UMAD1: variants seen among roughly 807,000 people sequenced by gnomAD.
UMAD1 encodes the protein UBAP1-MVB12-associated (UMA)-domain containing protein 1.
A neutral mutation model predicts 6.1 loss-of-function variants in UMAD1; 8 were observed. The ratio of observed to expected loss-of-function variants is 1.30; its 90% CI spans 0.76 to 2.35. UMAD1 has a LOEUF of 2.35. Ranked by LOEUF, UMAD1 falls within the 30% of genes most tolerant of loss-of-function variation. UMAD1 has a pLI of 0.00. For synonymous variants in UMAD1, 56 were observed against 31.4 expected, an observed-to-expected ratio of 1.78 and a Z score of -2.61; for missense variants, 130 against 78.4, an observed-to-expected ratio of 1.66 and a Z score of -2.49.
At chr7:7,786,417 G>C (rs1782461379) in intron 2 of UMAD1, among the ~76,000 whole-genome samples, 1 of 152,142 alleles carries the variant, frequency 6.6e-6, no homozygotes, top group South Asian at 2.1e-4. Flanking sequence ...TTTCATTGCA[G>C]TCTATCAGGT....
chr7:7,813,211 T>TTTGTTG (rs35818965), intron 3 of UMAD1, among the ~76,000 whole-genome samples: 18 of 151,940 alleles, frequency 1.2e-4, no homozygotes, highest in Non-Finnish European at 2.2e-4. Context: ...GCCAGGTTTC[T>TTTGTTG]TTGTTGTTGT....
intron 2 of UMAD1, chr7:7,689,583 A>T (rs1780124566): frequency 6.6e-6 from 1 of 152,132 alleles, no homozygotes; most frequent in East Asian, 1.9e-4. Flanking sequence ...TCCCTGGATA[A>T]TCTTTTCTTG....
intron 1 of UMAD1, 125 bp from the exon 2 acceptor site, chr7:7,673,184 T>C (rs1417214695): frequency 1.4e-6 from 1 of 718,112 alleles, no homozygotes; most frequent in African/African-American, 1.7e-5. Context: ...CTCATGGTTT[T>C]ACATGTGGCC....
chr7:7,816,977 A>G (rs1263972634), intron 3 of UMAD1, among the ~76,000 whole-genome samples: 1 of 152,198 alleles, frequency 6.6e-6, no homozygotes, highest in Non-Finnish European at 1.5e-5. Flanking sequence ...AAAATCCAGT[A>G]ATTTGTGTCT....
At position 7,877,650 on chromosome 7, in the gene UMAD1, A is replaced by G; in HGVS notation, c.*112A>G. ...TTTAAGGTCCTCAGCAAGGATCATA[A>G]AGCAAAGAAAATAGCATTATGTTCA... is the stretch of plus-strand genomic sequence containing the variant. On this transcript the variant is annotated 3_prime_UTR_variant, in exon 4 of 4. Transcript: ENST00000682710. 1 of 619,562 alleles carries G rather than the reference A, an allele frequency of 1.6e-6. No homozygotes were observed. Among genetic ancestry groups the G allele is most frequent in the South Asian group, 1.9e-5 (1 of 52,606 alleles). The allele number at this position is 619,562 out of a possible 1,614,324, so 38.4% of individuals were successfully genotyped here. A position where few individuals can be genotyped will look rare whatever the true frequency, so the allele number is the denominator to read the frequency against.
At chr7:7,666,518 T>C (rs1244956032) in intron 1 of UMAD1, among the ~76,000 whole-genome samples, 7 of 152,088 alleles carry the variant, frequency 4.6e-5, no homozygotes, top group Non-Finnish European at 1.0e-4. Context: ...GGGGCAAATC[T>C]TTTTAATTTT....
intron 1 of UMAD1, among the ~76,000 whole-genome samples, chr7:7,659,717 C>A (rs1785428502): frequency 6.6e-6 from 1 of 152,098 alleles, no homozygotes; most frequent in Non-Finnish European, 1.5e-5. Context: ...TGTTTTACTT[C>A]CAATTATGTG....
At chr7:7,783,196 T>G (rs1199158925) in intron 2 of UMAD1, among the ~76,000 whole-genome samples, 1 of 152,250 alleles carries the variant, frequency 6.6e-6, no homozygotes, top group Non-Finnish European at 1.5e-5. Flanking sequence ...CCATCTTGTC[T>G]AAGTTTGTAA....
intron 3 of UMAD1, among the ~76,000 whole-genome samples, chr7:7,812,660 TATA>T (rs1783043014): frequency 6.6e-6 from 1 of 152,210 alleles, no homozygotes; most frequent in Non-Finnish European, 1.5e-5. Flanking sequence ...AAAAACGATA[TATA>T]ATATTCTGTT....
chr7:7,839,001 G>A (rs974922571), intron 3 of UMAD1, among the ~76,000 whole-genome samples: 1 of 152,184 alleles, frequency 6.6e-6, no homozygotes, highest in African/African-American at 2.4e-5. Context: ...CTTTCTAGCA[G>A]GGGAGGAAAA....
chr7:7,789,625 C>T (rs1362910670), intron 2 of UMAD1, among the ~76,000 whole-genome samples: 1 of 150,470 alleles, frequency 6.6e-6, no homozygotes, highest in Non-Finnish European at 1.5e-5. Context: ...CTTCTCCCCT[C>T]CCCACAGACC....
chr7:7,752,563 A>C (rs1488343747), intron 2 of UMAD1, among the ~76,000 whole-genome samples: 2 of 152,054 alleles, frequency 1.3e-5, no homozygotes, highest in African/African-American at 4.8e-5. Flanking sequence ...GATCCTAAAA[A>C]CCCGACATGA....
At chr7:7,772,438 A>C (rs531119377) in intron 2 of UMAD1, 79 of 152,332 alleles carry the variant, frequency 5.2e-4, no homozygotes, top group African/African-American at 1.8e-3. Context: ...TGGCATTTCT[A>C]TCTTCTGGTA....
intron 2 of UMAD1, among the ~76,000 whole-genome samples, chr7:7,747,074 A>T (rs1781587199): frequency 6.6e-6 from 1 of 152,020 alleles, no homozygotes; most frequent in South Asian, 2.1e-4. Flanking sequence ...AATGATGTTT[A>T]TTGTTAAGTA....
At chr7:7,796,038 C>T (rs1017937192) in intron 2 of UMAD1, among the ~76,000 whole-genome samples, 12 of 151,896 alleles carry the variant, frequency 7.9e-5, no homozygotes, top group African/African-American at 2.4e-4. Flanking sequence ...GGGACAGAAC[C>T]ACTTGTGGCC....
intron 3 of UMAD1, among the ~76,000 whole-genome samples, chr7:7,832,429 C>T (rs775022501): frequency 1.3e-5 from 2 of 152,116 alleles, no homozygotes; most frequent in Non-Finnish European, 2.9e-5. Context: ...CCTCTCTTCC[C>T]AGATATGGCC....
intron 2 of UMAD1, among the ~76,000 whole-genome samples, chr7:7,754,868 A>G (rs1390383940): frequency 6.6e-6 from 1 of 152,186 alleles, no homozygotes; most frequent in African/African-American, 2.4e-5. Flanking sequence ...CATACTCTGC[A>G]TCTTAGCTTT....
chr7:7,676,042 T>A (rs1779729955), intron 2 of UMAD1: 1 of 398,264 alleles, frequency 2.5e-6, no homozygotes, highest in Non-Finnish European at 4.4e-6. Context: ...ATGTCTCAGC[T>A]CTTACTTCCT....
At chr7:7,764,347 G>C (rs1781947142) in intron 2 of UMAD1, among the ~76,000 whole-genome samples, 1 of 152,114 alleles carries the variant, frequency 6.6e-6, no homozygotes, top group South Asian at 2.1e-4. Context: ...GCAGTTCTTA[G>C]AATAGGGGAG....
Sources: allele counts gnomAD v4.1 joint callset (sites outside exome capture counted in the v4.1 genomes callset), GRCh38; gene constraint gnomAD v4.1.1; transcripts MANE v1.5; gene names NCBI Gene and HGNC (gene_info 2026-07-23, HGNC 2026-07-21).